Variants in C10orf90 observed in about 807,000 individuals in gnomAD.
C10orf90 encodes (E2-independent) E3 ubiquitin-conjugating enzyme FATS.
In C10orf90, 56 loss-of-function variants were observed where a neutral mutation model predicts 62.5. The observed-to-expected ratio is 0.90, with a 90% confidence interval of 0.72 to 1.12. The LOEUF (loss-of-function observed/expected upper bound fraction) is 1.12. Ranked by LOEUF, C10orf90 falls within the 50% of genes most tolerant of loss-of-function variation. C10orf90 has a pLI of 0.00. For missense variants in C10orf90, 970 were observed against 880.4 expected (o/e 1.10, Z -1.29); for synonymous variants, 386 against 340.4 (o/e 1.13, Z -1.47).
At chr10:126,544,904 A>G (rs1864456450) in intron 2 of C10orf90, among the ~76,000 whole-genome samples, 1 of 152,118 alleles carries the variant, frequency 6.6e-6, no homozygotes, top group Admixed American at 6.5e-5. Flanking sequence ...ATTGATTGGC[A>G]CCAGTAGGGT....
intron 2 of C10orf90, among the ~76,000 whole-genome samples, chr10:126,536,487 C>T (rs1279093730): frequency 6.6e-6 from 1 of 152,132 alleles, no homozygotes; most frequent in Non-Finnish European, 1.5e-5. Flanking sequence ...CGGAAAGATC[C>T]CCATTTTAAA....
At chr10:126,448,514 G>T (rs376500411) in intron 7 of C10orf90, among the ~76,000 whole-genome samples, 327 of 152,150 alleles carry the variant, frequency 2.1e-3, no homozygotes, top group African/African-American at 7.7e-3. Context: ...TAAGCCCAAA[G>T]TTGGTGGAAA....
At chr10:126,575,820 C>T (rs904108756) in intron 2 of C10orf90, among the ~76,000 whole-genome samples, 1 of 151,924 alleles carries the variant, frequency 6.6e-6, no homozygotes, top group African/African-American at 2.4e-5. Context: ...CAAGAACACT[C>T]ATTGGATAAT....
Position 126,464,851 on chromosome 10 carries a change from C to T in C10orf90, c.1670G>A (p.Cys557Tyr), listed in dbSNP as rs768922256. 6.2e-7 allele frequency: 1 copy of T among 1,614,178 alleles called. No individual in the cohort carries two copies. Among genetic ancestry groups the T allele is most frequent in the South Asian group, 1.1e-5 (1 of 91,080 alleles). Residue 557 changes from cysteine to tyrosine, a missense_variant, in exon 5 of 10, where the codon TGT (cysteine) becomes TAT (tyrosine). By Grantham distance (194) the Cys-to-Tyr change is radical. Coordinates refer to ENST00000488181, the MANE Select transcript of C10orf90 (RefSeq NM_001350921.2). ...GGGCTCAGAAAGGTCTCTAGACAGA[C>T]AGTCATCGCTTGGAGAGCTATCCCC... ...PIGDSSPSDD[C>Y]LSRDLSEPTE...
rs796773808 is a variant in C10orf90 at position 126,621,417 on chromosome 10, A to C, written c.313+25148T>G. Among the ~76,000 whole-genome samples the C allele has an allele frequency of 1.1e-4, 16 of 152,254 alleles. 1 individual carries two copies. The highest frequency in any genetic ancestry group is 3.6e-4 in the African/African-American group (15 of 41,548). ...CAGTCGTTATTTGCTTTTTATTCGAACTTGTGACCCTTCATGTCAGGAACA... is the reference window on the plus strand; with the variant it reads ...CAGTCGTTATTTGCTTTTTATTCGACCTTGTGACCCTTCATGTCAGGAACA... On this transcript the variant is annotated intron_variant, in intron 2 of 9. Transcript: ENST00000488181.
chr10:126,607,959 A>T (rs2576015), intron 2 of C10orf90, among the ~76,000 whole-genome samples: 1 of 152,198 alleles, frequency 6.6e-6, no homozygotes, highest in Non-Finnish European at 1.5e-5. Context: ...ATAGAAAGTC[A>T]AATGGTGGTT....
chr10:126,565,367 TTTTATATA>T (rs1844350314), intron 2 of C10orf90, among the ~76,000 whole-genome samples: 2 of 77,708 alleles, frequency 2.6e-5, no homozygotes, highest in East Asian at 6.7e-4. Flanking sequence ...ATATATATTA[TTTTATATA>T]ATAATATATA....
At chr10:126,564,584 G>A (rs942560930) in intron 2 of C10orf90, among the ~76,000 whole-genome samples, 1 of 150,628 alleles carries the variant, frequency 6.6e-6, no homozygotes, top group African/African-American at 2.4e-5. Flanking sequence ...TTGCAGCCTG[G>A]AGAAGTTCCC....
At chr10:126,498,403 A>G (rs1399856439) in intron 4 of C10orf90, among the ~76,000 whole-genome samples, 3 of 152,204 alleles carry the variant, frequency 2.0e-5, no homozygotes, top group Admixed American at 6.5e-5. Flanking sequence ...ATGAACAAAC[A>G]TCAAGAGTGA....
At chr10:126,629,762 C>A (rs898917207) in intron 2 of C10orf90, among the ~76,000 whole-genome samples, 2 of 152,148 alleles carry the variant, frequency 1.3e-5, no homozygotes, top group Non-Finnish European at 2.9e-5. Context: ...CTTTCCATTA[C>A]TAAATCCACA....
Position 126,456,171 on chromosome 10 carries a change from T to G in C10orf90, c.2188+2869A>C, listed in dbSNP as rs1564804458. 6.6e-6 allele frequency among the ~76,000 whole-genome samples: 1 copy of G among 152,268 alleles called. No homozygotes were observed. The highest frequency in any genetic ancestry group is 1.5e-5 in the Non-Finnish European group (1 of 68,048). On this transcript the variant is annotated intron_variant, in intron 7 of 9. Coordinates refer to ENST00000488181, the MANE Select transcript of C10orf90 (RefSeq NM_001350921.2). This position sits in a 1 kb window ranked among gnomAD's most constrained non-coding sequence, Gnocchi z 4.9. ...TTTATCATCTTGCCAGCAGACAGGC[T>G]GAAGACAAGATGTGTACTGCAGACT...
At chr10:126,571,441 C>A (rs1020543456) in intron 2 of C10orf90, among the ~76,000 whole-genome samples, 1 of 152,170 alleles carries the variant, frequency 6.6e-6, no homozygotes, top group South Asian at 2.1e-4. Context: ...TCCTAGCAGC[C>A]AGGGCAGTCA....
chr10:126,613,648 T>C (rs193029934), intron 2 of C10orf90, among the ~76,000 whole-genome samples: 18 of 152,322 alleles, frequency 1.2e-4, no homozygotes, highest in Non-Finnish European at 2.2e-4. Context: ...CCCCAGAGCC[T>C]TTATCCCTCT....
At chr10:126,627,156 C>T (rs756385146) in intron 2 of C10orf90, among the ~76,000 whole-genome samples, 5 of 151,930 alleles carry the variant, frequency 3.3e-5, no homozygotes, top group South Asian at 2.1e-4. Context: ...TGCGCCACCA[C>T]GCCCGGCTAA....
Position 126,614,970 on chromosome 10 carries a change from G to A in C10orf90, c.313+31595C>T, listed in dbSNP as rs116137705. Among the ~76,000 whole-genome samples the A allele has an allele frequency of 9.6e-3, 1,467 of 152,160 alleles. 23 individuals are homozygous for A. The highest frequency in any genetic ancestry group is 0.032 in the African/African-American group (1,324 of 41,502). Reference sequence around the variant, plus strand: ...TTTATTATTTCTCATCATTTTGTACGTTAGCTGGCTGCTGCTTCTGTTCTG... The same window carrying A: ...TTTATTATTTCTCATCATTTTGTACATTAGCTGGCTGCTGCTTCTGTTCTG... On this transcript the variant is annotated intron_variant, in intron 2 of 9. Coordinates refer to ENST00000488181, the MANE Select transcript of C10orf90 (RefSeq NM_001350921.2).
At chr10:126,468,043 T>G (rs1860383065) in intron 4 of C10orf90, among the ~76,000 whole-genome samples, 1 of 152,138 alleles carries the variant, frequency 6.6e-6, no homozygotes, top group African/African-American at 2.4e-5. Context: ...CAATATGTTT[T>G]TATATCAAAA....
chr10:126,506,919 A>AGTGTGTGTGT (rs61651582), intron 3 of C10orf90, among the ~76,000 whole-genome samples: 18 of 149,430 alleles, frequency 1.2e-4, no homozygotes, highest in African/African-American at 4.2e-4. Context: ...CAGGAGGGCC[A>AGTGTGTGTGT]GTGTGTGTGT....
chr10:126,616,190 A>G (rs1845537566), intron 2 of C10orf90, among the ~76,000 whole-genome samples: 1 of 152,126 alleles, frequency 6.6e-6, no homozygotes, highest in African/African-American at 2.4e-5. Context: ...TGTGGAATAA[A>G]CTGGTTCTGC....
chr10:126,454,048 G>A (rs1410850753), intron 7 of C10orf90, among the ~76,000 whole-genome samples: 2 of 152,042 alleles, frequency 1.3e-5, no homozygotes, highest in Admixed American at 6.5e-5. Flanking sequence ...GGCCAGGTTC[G>A]AGGAGCTGCA....
Sources: allele counts gnomAD v4.1 joint callset (sites outside exome capture counted in the v4.1 genomes callset), GRCh38; gene constraint gnomAD v4.1.1; non-coding constraint Gnocchi (gnomAD v3.1); transcripts MANE v1.5; gene names NCBI Gene and HGNC (gene_info 2026-07-23, HGNC 2026-07-21).